UXS1: variants seen among roughly 807,000 people sequenced by gnomAD.
UXS1 encodes the protein UDP-glucuronic acid decarboxylase 1.
UXS1 carries 33 observed loss-of-function variants against 62.6 expected under a neutral mutation model. That is an observed-to-expected ratio of 0.53 (90% CI 0.40 to 0.70). The LOEUF (loss-of-function observed/expected upper bound fraction) is 0.70. Ranked by LOEUF, UXS1 falls within the 30% of genes least tolerant of loss-of-function variation. UXS1 has a pLI of 0.00. For synonymous variants in UXS1, 213 were observed against 206.8 expected, an observed-to-expected ratio of 1.03 and a Z score of -0.26; for missense variants, 434 against 556.3, an observed-to-expected ratio of 0.78 and a Z score of 2.21.
chr2:106,164,959 A>C (rs996949012), intron 2 of UXS1, among the ~76,000 whole-genome samples, 160 bp from the exon 3 acceptor site: 2 of 152,250 alleles, frequency 1.3e-5, no homozygotes, highest in Non-Finnish European at 2.9e-5. Flanking sequence ...GAGGAAAAGA[A>C]GACAACCAAA....
At chr2:106,145,519 T>A in intron 5 of UXS1, 149 bp from the exon 6 acceptor site, 1 of 967,780 alleles carries the variant, frequency 1.0e-6, no homozygotes, top group Non-Finnish European at 1.5e-6. Flanking sequence ...GGTTTTAAGG[T>A]AGCATCTTGA....
intron 2 of UXS1, among the ~76,000 whole-genome samples, chr2:106,165,614 C>A (rs1167660084): frequency 1.3e-5 from 2 of 152,040 alleles, no homozygotes; most frequent in Non-Finnish European, 2.9e-5. Context: ...TGCATACAGG[C>A]CTAACGCTGG....
Position 106,158,195 on chromosome 2 carries a change from A to G in UXS1, c.231-77T>C, listed in dbSNP as rs556464368. On this transcript the variant is annotated intron_variant, in intron 4 of 14. Coordinates refer to ENST00000283148, the MANE Select transcript of UXS1 (RefSeq NM_001253875.2). ...TATTTTCTCTGTCTACCATCAAAGC[A>G]TGTGCCAGGTTTTGGGACTGTTATT... is the stretch of plus-strand genomic sequence containing the variant. 1.7e-4 allele frequency: 219 copies of G among 1,282,644 alleles called. 3 individuals carry two copies. The South Asian group carries it at 2.7e-3, about 16-fold the overall frequency. 79.5% of individuals were successfully genotyped at this position (1,282,644 alleles called of 1,614,324 possible).
chr2:106,181,721 A>G (rs978874640), intron 1 of UXS1, among the ~76,000 whole-genome samples: 1 of 152,138 alleles, frequency 6.6e-6, no homozygotes, highest in Non-Finnish European at 1.5e-5. Context: ...ATCTCAAAAA[A>G]AATAAATAAA....
Position 106,104,777 on chromosome 2 carries a change from G to C in UXS1, c.923+17C>G, listed in dbSNP as rs781475357. The C allele has an allele frequency of 1.2e-6, 2 of 1,613,976 alleles. No homozygotes were observed. Among genetic ancestry groups the C allele is most frequent in the Non-Finnish European group, 1.7e-6 (2 of 1,179,896 alleles). ...CCAAAGCACTGCTAAGGCTGGGGCA[G>C]GGCAGGACAGTCTTACCTGACGTAC... On this transcript the variant is annotated intron_variant, in intron 11 of 14. Transcript: ENST00000283148.
chr2:106,194,297 A>C lies in UXS1; in HGVS notation c.-56T>G, dbSNP rs944652326. 2 of 1,043,432 alleles carry C rather than the reference A, an allele frequency of 1.9e-6. No individual in the cohort carries two copies. The highest frequency in any genetic ancestry group is 2.4e-6 in the Non-Finnish European group (2 of 841,266). 64.6% of individuals were successfully genotyped at this position (1,043,432 alleles called of 1,614,324 possible). A position where few individuals can be genotyped will look rare whatever the true frequency, so the allele number is the denominator to read the frequency against. ...CCGCGCGGGGGCCCGCCTGCTGCAC[A>C]ATGCGCGGCGGCGGCGGCGGCAGCG... On this transcript the variant is annotated 5_prime_UTR_variant, in exon 1 of 15. The change creates a new upstream start codon in the 5' untranslated region. Coordinates refer to ENST00000283148, the MANE Select transcript of UXS1 (RefSeq NM_001253875.2).
At chr2:106,124,680 T>C (rs1240719716) in intron 8 of UXS1, among the ~76,000 whole-genome samples, 2 of 152,166 alleles carry the variant, frequency 1.3e-5, no homozygotes, top group East Asian at 3.8e-4. Flanking sequence ...GATGTCACTG[T>C]TCCCCTCTGG....
rs184677650 is a variant in UXS1, at chr2:106,143,824, C to G, written c.472+1366G>C. Among the ~76,000 whole-genome samples, 326 of 152,338 alleles carry G rather than the reference C, an allele frequency of 2.1e-3. 1 individual carries two copies. The highest frequency in any genetic ancestry group is 3.9e-3 in the Non-Finnish European group (265 of 68,026). The stretch of plus-strand genomic sequence containing the variant: ...AAGCCAGCCAGGGTAGGTCAGGTCC[C>G]TTGCACACTGCAAACCTCTCCAGCT... On this transcript the variant is annotated intron_variant, in intron 6 of 14. Coordinates refer to ENST00000283148, the MANE Select transcript of UXS1 (RefSeq NM_001253875.2).
chr2:106,141,965 G>A (rs1269040356), intron 6 of UXS1, among the ~76,000 whole-genome samples: 1 of 151,646 alleles, frequency 6.6e-6, no homozygotes, highest in African/African-American at 2.4e-5. Flanking sequence ...CCACATTCTG[G>A]GTTCTAGCGA....
At chr2:106,178,633 A>AGT (rs975197274) in intron 1 of UXS1, among the ~76,000 whole-genome samples, 6 of 151,668 alleles carry the variant, frequency 4.0e-5, no homozygotes, top group Admixed American at 6.6e-5. Flanking sequence ...TATATGTTAG[A>AGT]GTGTGTGTGT....
chr2:106,193,581 G>C (rs999417751), intron 1 of UXS1, among the ~76,000 whole-genome samples: 4 of 151,982 alleles, frequency 2.6e-5, no homozygotes, highest in African/African-American at 9.7e-5. Flanking sequence ...ACCTAGAATG[G>C]GGATGCCGGT....
At chr2:106,177,763 G>A (rs1182550902) in intron 1 of UXS1, among the ~76,000 whole-genome samples, 1 of 152,182 alleles carries the variant, frequency 6.6e-6, no homozygotes, top group Non-Finnish European at 1.5e-5. Flanking sequence ...CTCCAGAACT[G>A]TGGGAAATAA....
chr2:106,101,250 T>C, intron 11 of UXS1, 132 bp from the exon 12 acceptor site: 3 of 847,566 alleles, frequency 3.5e-6, no homozygotes, highest in Admixed American at 2.9e-5. Flanking sequence ...GAAAATTGAA[T>C]GTCGAAACAA....
intron 1 of UXS1, among the ~76,000 whole-genome samples, chr2:106,192,719 C>T (rs1209333033): frequency 2.6e-5 from 4 of 151,904 alleles, no homozygotes; most frequent in African/African-American, 9.7e-5. Flanking sequence ...CAAATTTTGG[C>T]CCTCCTTCTC....
intron 10 of UXS1, among the ~76,000 whole-genome samples, chr2:106,105,793 G>A (rs752764141): frequency 1.4e-4 from 21 of 152,228 alleles, no homozygotes; most frequent in African/African-American, 4.3e-4. Context: ...TCTCCTAAGC[G>A]CGGCATCACA....
intron 1 of UXS1, among the ~76,000 whole-genome samples, chr2:106,167,332 G>T (rs930481): frequency 2.0e-5 from 3 of 152,152 alleles, no homozygotes; most frequent in South Asian, 2.1e-4. Context: ...GGTGCTTCCA[G>T]GTGCCGAGGA....
At chr2:106,096,916 G>T in intron 13 of UXS1, 95 bp from the exon 14 acceptor site, 1 of 1,194,640 alleles carries the variant, frequency 8.4e-7, no homozygotes. Context: ...CCCATATGTG[G>T]TGTGAATAGG....
chr2:106,110,960 C>CATT (rs1678543897), intron 10 of UXS1, among the ~76,000 whole-genome samples: 1 of 152,168 alleles, frequency 6.6e-6, no homozygotes, highest in Non-Finnish European at 1.5e-5. Flanking sequence ...AAAAGCAAGA[C>CATT]GCTGCTGGGA....
chr2:106,096,480 A>G (rs961612540), intron 14 of UXS1, among the ~76,000 whole-genome samples: 1 of 152,080 alleles, frequency 6.6e-6, no homozygotes, highest in African/African-American at 2.4e-5. Context: ...TGCATGAGAG[A>G]TTTTACGAAA....
Sources: allele counts gnomAD v4.1 joint callset (sites outside exome capture counted in the v4.1 genomes callset), GRCh38; gene constraint gnomAD v4.1.1; transcripts MANE v1.5; gene names NCBI Gene and HGNC (gene_info 2026-07-23, HGNC 2026-07-21).